The following CALCOCO2 variants were observed in gnomAD, a reference collection of about 807,000 sequenced individuals.
CALCOCO2 encodes the protein calcium-binding and coiled-coil domain-containing protein 2.
A neutral mutation model predicts 62.5 loss-of-function variants in CALCOCO2; 42 were observed. The observed-to-expected ratio is 0.67, with a 90% confidence interval of 0.53 to 0.87. The LOEUF is 0.87. Ranked by LOEUF, CALCOCO2 falls within the 40% of genes least tolerant of loss-of-function variation. CALCOCO2 has a pLI of 0.00. For synonymous variants in CALCOCO2, 167 were observed against 173.0 expected (o/e 0.97, Z 0.27); for missense variants, 456 against 515.0 (o/e 0.89, Z 1.11).
At chr17:48,858,288 T>G (rs2143671075) in intron 10 of CALCOCO2, among the ~76,000 whole-genome samples, 1 of 152,176 alleles carries the variant, frequency 6.6e-6, no homozygotes, top group East Asian at 1.9e-4. Flanking sequence ...CTTTCTAGTC[T>G]TGTTATTCCC....
At chr17:48,858,144 A>T (rs987327842) in intron 10 of CALCOCO2, among the ~76,000 whole-genome samples, 1 of 151,578 alleles carries the variant, frequency 6.6e-6, no homozygotes, top group Admixed American at 6.6e-5. Flanking sequence ...TATGCAACAG[A>T]TCTCCAGAAC....
chr17:48,854,398 T>TATA (rs1567757340), intron 9 of CALCOCO2, among the ~76,000 whole-genome samples: 5 of 1,354 alleles, frequency 3.7e-3, no homozygotes, highest in African/African-American at 5.3e-3. Context: ...ATATATATAT[T>TATA]TTTTTTTTTT....
intron 10 of CALCOCO2, 122 bp from the exon 11 acceptor site, chr17:48,860,192 T>C (rs1598047943): frequency 1.5e-6 from 1 of 679,832 alleles, no homozygotes; most frequent in East Asian, 2.6e-5. Context: ...TTATCAATTA[T>C]TGAGTTTCTC....
intron 2 of CALCOCO2, among the ~76,000 whole-genome samples, chr17:48,844,273 A>T (rs1240802802): frequency 6.6e-6 from 1 of 152,166 alleles, no homozygotes; most frequent in Non-Finnish European, 1.5e-5. Flanking sequence ...ATGCAGGTAC[A>T]GATCATGAAA....
chr17:48,833,567 GA>G (rs200997670), intron 1 of CALCOCO2, among the ~76,000 whole-genome samples: 1,795 of 148,786 alleles, frequency 0.012, 38 homozygotes, highest in African/African-American at 0.041. Flanking sequence ...AAAAAAGAAA[GA>G]AAAAAAGTAA....
chr17:48,845,151 T>C (rs1171856023), intron 2 of CALCOCO2, among the ~76,000 whole-genome samples: 1 of 151,732 alleles, frequency 6.6e-6, no homozygotes, highest in African/African-American at 2.4e-5. Context: ...AAAAATTTTT[T>C]TTAAAGATGT....
chr17:48,843,329 G>A (rs1361532668), intron 2 of CALCOCO2, among the ~76,000 whole-genome samples: 1 of 152,038 alleles, frequency 6.6e-6, no homozygotes, highest in Non-Finnish European at 1.5e-5. Context: ...CCAGAGACAA[G>A]AAATAAAGGT....
At chr17:48,841,629 A>G in intron 1 of CALCOCO2, 69 bp from the exon 2 acceptor site, 1 of 1,118,718 alleles carries the variant, frequency 8.9e-7, no homozygotes, top group Non-Finnish European at 1.2e-6. Context: ...CCCTGGATGA[A>G]AGCCCAGAAA....
At chr17:48,840,364 C>CA (rs949391103) in intron 1 of CALCOCO2, among the ~76,000 whole-genome samples, 10 of 151,954 alleles carry the variant, frequency 6.6e-5, no homozygotes, top group African/African-American at 2.4e-4. Flanking sequence ...CTCCTGGACT[C>CA]AAAAGATCCA....
chr17:48,848,722 C>T, intron 4 of CALCOCO2: 4 of 558,820 alleles, frequency 7.2e-6, no homozygotes, highest in African/African-American at 1.9e-5. Context: ...TAATTTTTGT[C>T]ATCTACACAT....
chr17:48,863,289 G>A lies in CALCOCO2; in HGVS notation c.*284G>A. On this transcript the variant is annotated 3_prime_UTR_variant, in exon 13 of 13. Coordinates refer to ENST00000258947, the MANE Select transcript of CALCOCO2 (RefSeq NM_005831.5). ...CTCAGTACAAGGGCCCTGGGATGGA[G>A]CCAACCTGGGTATTCACAACAGGCC... 1 of 379,948 alleles carries A rather than the reference G, an allele frequency of 2.6e-6. No homozygotes were observed. Among genetic ancestry groups the A allele is most frequent in the Non-Finnish European group, 5.1e-6 (1 of 197,752 alleles). The allele number at this position is 379,948 out of a possible 1,614,324, so 23.5% of individuals were successfully genotyped here. A position where few individuals can be genotyped will look rare whatever the true frequency, so the allele number is the denominator to read the frequency against.
intron 1 of CALCOCO2, among the ~76,000 whole-genome samples, chr17:48,838,713 T>TA (rs1317549534): frequency 2.6e-5 from 4 of 151,858 alleles, no homozygotes; most frequent in Admixed American, 1.3e-4. Context: ...GACTCTGTCT[T>TA]AAAAAATATA....
At chr17:48,859,598 C>A (rs953955523) in intron 10 of CALCOCO2, among the ~76,000 whole-genome samples, 1 of 151,950 alleles carries the variant, frequency 6.6e-6, no homozygotes, top group Admixed American at 6.6e-5. Context: ...AAGACCCTGT[C>A]TCTAAAAAAA....
chr17:48,859,766 G>A (rs2040301582), intron 10 of CALCOCO2, among the ~76,000 whole-genome samples: 1 of 151,990 alleles, frequency 6.6e-6, no homozygotes, highest in Non-Finnish European at 1.5e-5. Flanking sequence ...AAACTTTTTT[G>A]TATTAATATA....
At chr17:48,854,382 T>TATATATATA (rs2040177276) in intron 9 of CALCOCO2, among the ~76,000 whole-genome samples, 1 of 5,998 alleles carries the variant, frequency 1.7e-4, no homozygotes, top group African/African-American at 2.7e-4. Context: ...TTTCTTTTAT[T>TATATATATA]TATATATATA....
In CALCOCO2 at chr17:48,864,722, C is replaced by G. The variant is rs1408032365; in HGVS notation, c.*1717C>G. ...GTATTGTCCTAGTCACAGCTCCTTG[C>G]TTTGATTTCATCCTTGATAAAATGA... On this transcript the variant is annotated 3_prime_UTR_variant, in exon 13 of 13. Coordinates refer to ENST00000258947, the MANE Select transcript of CALCOCO2 (RefSeq NM_005831.5). The G allele has an allele frequency of 1.3e-5, 2 of 152,400 alleles. No homozygotes were observed. Among genetic ancestry groups the G allele is most frequent in the Non-Finnish European group, 2.9e-5 (2 of 68,170 alleles). 9.4% of individuals were successfully genotyped at this position (152,400 alleles called of 1,614,324 possible). A position where few individuals can be genotyped will look rare whatever the true frequency, so the allele number is the denominator to read the frequency against.
intron 5 of CALCOCO2, among the ~76,000 whole-genome samples, chr17:48,850,550 C>A (rs2040114448): frequency 6.6e-6 from 1 of 151,698 alleles, no homozygotes; most frequent in Non-Finnish European, 1.5e-5. Context: ...AAATGTGCCT[C>A]CTAAGATTTT....
At chr17:48,845,058 C>T (rs1407459500) in intron 2 of CALCOCO2, among the ~76,000 whole-genome samples, 2 of 152,020 alleles carry the variant, frequency 1.3e-5, no homozygotes, top group Non-Finnish European at 2.9e-5. Flanking sequence ...ATTGCTTGAA[C>T]CCAAGAGGCA....
intron 10 of CALCOCO2, among the ~76,000 whole-genome samples, chr17:48,857,973 T>TGAATTGAATTGAATTGAATA (rs1567758957): frequency 1.7e-5 from 1 of 59,724 alleles, no homozygotes; most frequent in African/African-American, 4.5e-5. Flanking sequence ...CAAGACTACA[T>TGAATTGAATTGAATTGAATA]CAATAGAATA....
Sources: gnomAD v4.1 joint callset for allele counts (sites outside exome capture counted in the v4.1 genomes callset) on GRCh38, gnomAD v4.1.1 for gene constraint, MANE v1.5 for transcripts, NCBI Gene and HGNC (gene_info 2026-07-23, HGNC 2026-07-21) for gene names.